Variants in MMP20 observed in about 807,000 individuals in gnomAD.
MMP20 encodes matrix metallopeptidase 20.
In MMP20, 50 loss-of-function variants were observed where a neutral mutation model predicts 51.8. That is an observed-to-expected ratio of 0.97 (90% confidence interval 0.77 to 1.22). The LOEUF (loss-of-function observed/expected upper bound fraction) is 1.22, where lower values mean the gene tolerates loss of function less well. MMP20 is among the 50% of genes most tolerant of loss of function. The pLI is 0.00. For synonymous variants in MMP20, 244 were observed against 216.2 expected, an observed-to-expected ratio of 1.13 and a Z score of -1.13; for missense variants, 663 against 601.4, an observed-to-expected ratio of 1.10 and a Z score of -1.07.
chr11:102,587,348 A>G (rs911950204), intron 8 of MMP20, among the ~76,000 whole-genome samples: 2 of 152,176 alleles, frequency 1.3e-5, no homozygotes, highest in African/African-American at 4.8e-5. Flanking sequence ...AAATTTGTTG[A>G]GACTTGTGTG....
chr11:102,624,996 C>T (rs1859801688), intron 1 of MMP20, among the ~76,000 whole-genome samples, 198 bp downstream of exon 1: 1 of 152,144 alleles, frequency 6.6e-6, no homozygotes, highest in Non-Finnish European at 1.5e-5. Flanking sequence ...TGTATTTATT[C>T]AGTCATGTAA....
intron 6 of MMP20, among the ~76,000 whole-genome samples, chr11:102,596,729 G>A (rs1225094073): frequency 2.0e-5 from 3 of 152,192 alleles, no homozygotes; most frequent in African/African-American, 7.2e-5. Context: ...TAGCTGCCTT[G>A]AGGTTAGTCA....
At chr11:102,584,693 T>C (rs377451337) in intron 8 of MMP20, among the ~76,000 whole-genome samples, 5 of 152,188 alleles carry the variant, frequency 3.3e-5, no homozygotes, top group African/African-American at 9.6e-5. Context: ...TGAGTATTCA[T>C]TGCTAAATCC....
intron 3 of MMP20, 69 bp from the exon 4 acceptor site, chr11:102,610,099 A>G: frequency 6.4e-7 from 1 of 1,557,110 alleles, no homozygotes; most frequent in South Asian, 1.1e-5. Context: ...GCATCATATT[A>G]CAGAAAAGGG....
intron 6 of MMP20, among the ~76,000 whole-genome samples, chr11:102,604,584 C>T (rs1027595989): frequency 6.6e-6 from 1 of 152,142 alleles, no homozygotes; most frequent in Non-Finnish European, 1.5e-5. Context: ...GCAGTAGGGC[C>T]ACCCACTGAC....
intron 6 of MMP20, among the ~76,000 whole-genome samples, chr11:102,605,976 G>A (rs1859509737): frequency 6.6e-6 from 1 of 152,200 alleles, no homozygotes; most frequent in Non-Finnish European, 1.5e-5. Context: ...AGTTTCGGAA[G>A]AATGCTGGCC....
At chr11:102,624,583 T>C (rs774740983) in intron 1 of MMP20, among the ~76,000 whole-genome samples, 2 of 152,158 alleles carry the variant, frequency 1.3e-5, no homozygotes, top group African/African-American at 2.4e-5. Flanking sequence ...ATAAACGTTG[T>C]ACTTTGTACT....
At chr11:102,607,185 T>C (rs990015697) in intron 5 of MMP20, 3 of 165,736 alleles carry the variant, frequency 1.8e-5, no homozygotes, top group African/African-American at 7.2e-5. Context: ...TGCCCTGTGC[T>C]TTTGTCTTTT....
intron 9 of MMP20, 41 bp from the exon 10 acceptor site, chr11:102,577,467 C>T: frequency 7.6e-7 from 1 of 1,312,150 alleles, no homozygotes; most frequent in Non-Finnish European, 1.1e-6. Context: ...TGAAGATGTC[C>T]AGCACATATA....
chr11:102,594,012 A>G (rs546423187), intron 7 of MMP20, among the ~76,000 whole-genome samples: 46 of 152,356 alleles, frequency 3.0e-4, no homozygotes, highest in South Asian at 2.5e-3. Context: ...TAAAACTGAT[A>G]GTTATCACCT....
At chr11:102,579,840 A>G (rs1859173032) in intron 8 of MMP20, among the ~76,000 whole-genome samples, 1 of 152,034 alleles carries the variant, frequency 6.6e-6, no homozygotes, top group East Asian at 1.9e-4. Flanking sequence ...AACTCTCTAT[A>G]TTTTTTATTG....
chr11:102,587,187 C>G (rs1425775097), intron 8 of MMP20, among the ~76,000 whole-genome samples: 1 of 151,970 alleles, frequency 6.6e-6, no homozygotes, highest in Non-Finnish European at 1.5e-5. Context: ...TCTAATTTCC[C>G]TTGTGATTTC....
At chr11:102,588,207 A>C (rs1247500506) in intron 8 of MMP20, among the ~76,000 whole-genome samples, 1 of 152,082 alleles carries the variant, frequency 6.6e-6, no homozygotes, top group Non-Finnish European at 1.5e-5. Flanking sequence ...TTCCAGTGAG[A>C]TATAGAAACA....
At chr11:102,579,834 C>T (rs1263573922) in intron 8 of MMP20, among the ~76,000 whole-genome samples, 4 of 152,094 alleles carry the variant, frequency 2.6e-5, no homozygotes, top group Non-Finnish European at 5.9e-5. Flanking sequence ...GAAAGGAACT[C>T]TCTATATTTT....
chr11:102,593,640 T>C (rs1565392056), intron 7 of MMP20, 45 bp from the exon 8 acceptor site: 1 of 1,603,912 alleles, frequency 6.2e-7, no homozygotes. Flanking sequence ...CACCACTTGG[T>C]GATGCACTTC....
At chr11:102,586,942 TTTTA>T (rs1471155069) in intron 8 of MMP20, among the ~76,000 whole-genome samples, 4 of 152,216 alleles carry the variant, frequency 2.6e-5, no homozygotes, top group African/African-American at 9.6e-5. Context: ...TTATCATCTA[TTTTA>T]TTTATTTCCA....
intron 8 of MMP20, among the ~76,000 whole-genome samples, chr11:102,581,900 A>G (rs1233025823): frequency 6.6e-6 from 1 of 152,198 alleles, no homozygotes; most frequent in African/African-American, 2.4e-5. Flanking sequence ...AGAATCAACT[A>G]TATCTTGAGT....
At position 102,594,602 on chromosome 11, in the gene MMP20, T is replaced by C. The variant is rs1328461422; in HGVS notation, c.1090+19A>G. On this transcript the variant is annotated intron_variant, in intron 7 of 9. Coordinates refer to ENST00000260228, the MANE Select transcript of MMP20 (RefSeq NM_004771.4). ...ACTGCAGCCCTGCCATTTCTTTCTTTGAGGGATCTGTAGGGTACCTTTGAA... is the reference window on the plus strand; with the variant it reads ...ACTGCAGCCCTGCCATTTCTTTCTTCGAGGGATCTGTAGGGTACCTTTGAA... 3.1e-6 allele frequency: 5 copies of C among 1,613,182 alleles called. No individual in the cohort carries two copies. The highest frequency in any genetic ancestry group is 4.2e-6 in the Non-Finnish European group (5 of 1,179,864).
intron 8 of MMP20, among the ~76,000 whole-genome samples, chr11:102,590,548 T>A (rs1340083052): frequency 1.3e-5 from 2 of 152,200 alleles, no homozygotes; most frequent in Non-Finnish European, 2.9e-5. Flanking sequence ...TCACTAAAAC[T>A]GGGTCCAAAC....
Sources: gnomAD v4.1 joint callset for allele counts (sites outside exome capture counted in the v4.1 genomes callset) on GRCh38, gnomAD v4.1.1 for gene constraint, MANE v1.5 for transcripts, NCBI Gene and HGNC (gene_info 2026-07-23, HGNC 2026-07-21) for gene names.